DMRT1: variants seen among roughly 807,000 people sequenced by gnomAD.
DMRT1 encodes the protein doublesex and mab-3 related transcription factor 1.
DMRT1 carries 7 observed loss-of-function variants against 32.3 expected under a neutral mutation model. The ratio of observed to expected loss-of-function variants is 0.22; its 90% CI spans 0.12 to 0.41. The LOEUF (loss-of-function observed/expected upper bound fraction) is 0.41, where lower values mean the gene tolerates loss of function less well. Ranked by LOEUF, DMRT1 falls within the 10% of genes least tolerant of loss-of-function variation. DMRT1 has a pLI of 1.00. For missense variants in DMRT1, 625 were observed against 500.5 expected (o/e 1.25, Z -2.37); for synonymous variants, 278 against 206.1 (o/e 1.35, Z -2.99).
chr9:924,066 A>G (rs943689226), intron 4 of DMRT1, among the ~76,000 whole-genome samples: 10 of 127,112 alleles, frequency 7.9e-5, no homozygotes, highest in Admixed American at 1.8e-4. Context: ...AAGATGATCA[A>G]TCTCTTTTTT....
intron 3 of DMRT1, among the ~76,000 whole-genome samples, chr9:900,706 A>G (rs949427088): frequency 1.3e-5 from 2 of 148,308 alleles, no homozygotes; most frequent in African/African-American, 5.0e-5. Flanking sequence ...TTTTTTGGAG[A>G]CAGCGTCTTG....
chr9:928,537 C>A (rs543400522), intron 4 of DMRT1, among the ~76,000 whole-genome samples: 95 of 152,234 alleles, frequency 6.2e-4, no homozygotes, highest in African/African-American at 2.3e-3. Context: ...CCTGAGGCAG[C>A]GAAAGAAACA....
At chr9:868,283 G>T (rs143177579) in intron 2 of DMRT1, among the ~76,000 whole-genome samples, 1 of 152,092 alleles carries the variant, frequency 6.6e-6, no homozygotes, top group East Asian at 1.9e-4. Context: ...TGGCCTGAAA[G>T]AAAGTATTTT....
chr9:876,716 A>T (rs1816515871), intron 2 of DMRT1, among the ~76,000 whole-genome samples: 1 of 151,960 alleles, frequency 6.6e-6, no homozygotes, highest in African/African-American at 2.4e-5. Flanking sequence ...TGTTTTGTAG[A>T]GATGGGGTCT....
At chr9:849,587 C>A (rs928644660) in intron 2 of DMRT1, among the ~76,000 whole-genome samples, 1 of 152,164 alleles carries the variant, frequency 6.6e-6, no homozygotes, top group African/African-American at 2.4e-5. Flanking sequence ...GGGAAAGTTA[C>A]AAAAGGAAGC....
intron 4 of DMRT1, among the ~76,000 whole-genome samples, chr9:943,017 G>C (rs1819127180): frequency 1.3e-5 from 2 of 151,372 alleles, no homozygotes; most frequent in South Asian, 4.2e-4. Flanking sequence ...GCTGCTTAGT[G>C]AAGTATACAG....
Position 901,023 on chromosome 9 carries a change from A to T in DMRT1, c.822+6828A>T, listed in dbSNP as rs1817552806. Among the ~76,000 whole-genome samples, 3 of 148,700 alleles carry T rather than the reference A, an allele frequency of 2.0e-5. No homozygotes were observed. In the South Asian group the frequency reaches 6.3e-4, roughly 31 times the overall value. On this transcript the variant is annotated intron_variant, in intron 3 of 4. Transcript: ENST00000382276. ...CAGTTTTTTTTTTTTAATTATTATT[A>T]TTTTTTAATTGAGAAGGATCTTGCT...
At chr9:946,324 G>A (rs1171337222) in intron 4 of DMRT1, among the ~76,000 whole-genome samples, 1 of 152,106 alleles carries the variant, frequency 6.6e-6, no homozygotes, top group African/African-American at 2.4e-5. Context: ...TATCCAACAT[G>A]TACATTTTTG....
intron 4 of DMRT1, among the ~76,000 whole-genome samples, chr9:924,845 G>C (rs1818469842): frequency 6.6e-6 from 1 of 152,212 alleles, no homozygotes; most frequent in Non-Finnish European, 1.5e-5. Flanking sequence ...ACAGAAGCAA[G>C]CTGACATGCT....
chr9:872,515 C>T (rs567028983), intron 2 of DMRT1, among the ~76,000 whole-genome samples: 3 of 152,332 alleles, frequency 2.0e-5, no homozygotes, highest in African/African-American at 7.2e-5. Context: ...TAACCACTAG[C>T]CTACTTTCTA....
At chr9:939,050 A>G (rs766681819) in intron 4 of DMRT1, among the ~76,000 whole-genome samples, 3 of 152,234 alleles carry the variant, frequency 2.0e-5, no homozygotes, top group Admixed American at 1.3e-4. Flanking sequence ...GCCCCACTCC[A>G]TAGCCTTCTA....
chr9:887,293 C>A (rs935265984), intron 2 of DMRT1, among the ~76,000 whole-genome samples: 1 of 152,216 alleles, frequency 6.6e-6, no homozygotes, highest in African/African-American at 2.4e-5. Context: ...TTTACTACGG[C>A]CTCCTTGTGC....
At chr9:949,259 G>A (rs190501545) in intron 4 of DMRT1, among the ~76,000 whole-genome samples, 29 of 152,128 alleles carry the variant, frequency 1.9e-4, no homozygotes, top group Admixed American at 1.6e-3. Flanking sequence ...CTAGCTACTT[G>A]GGAGGCTGAG....
chr9:843,341 C>A (rs1838772599), intron 1 of DMRT1, among the ~76,000 whole-genome samples: 2 of 152,268 alleles, frequency 1.3e-5, no homozygotes, highest in African/African-American at 2.4e-5. Flanking sequence ...TTTGTCTTCG[C>A]CCTCCGTGGA....
Position 848,156 on chromosome 9 carries a change from G to A in DMRT1, c.538+1013G>A, listed in dbSNP as rs1838984242. Among the ~76,000 whole-genome samples the A allele has an allele frequency of 3.3e-5, 5 of 152,174 alleles. No individual in the cohort carries two copies. The South Asian group carries it at 1.0e-3, about 31-fold the overall frequency. ...AGCAGTGTGATATCACCTTGACTAA[G>A]CTTTCATGAATTACTCCATTTGCTG... On this transcript the variant is annotated intron_variant, in intron 2 of 4. Coordinates refer to ENST00000382276, the MANE Select transcript of DMRT1 (RefSeq NM_021951.3).
At position 905,587 on chromosome 9, in the gene DMRT1, T is replaced by G. The variant is rs1817745908; in HGVS notation, c.823-11176T>G. Among the ~76,000 whole-genome samples, 3 of 151,814 alleles carry G rather than the reference T, an allele frequency of 2.0e-5. No individual in the cohort carries two copies. The South Asian group carries it at 6.2e-4, about 32-fold the overall frequency. On this transcript the variant is annotated intron_variant, in intron 3 of 4. Transcript: ENST00000382276. ...TTAAAGTGTATAATGGAAAGGTTTT[T>G]TGTTTGAGTCATTTGTTTGCAAACC...
chr9:910,406 T>C lies in DMRT1; in HGVS notation c.823-6357T>C, dbSNP rs142192376. On this transcript the variant is annotated intron_variant, in intron 3 of 4. Coordinates refer to ENST00000382276, the MANE Select transcript of DMRT1 (RefSeq NM_021951.3). ...TGTTTAGTAAACAACTAGATGACAA[T>C]TTGGTCTTCACAAATCCCTTTTAGT... Among the ~76,000 whole-genome samples, 344 of 152,284 alleles carry C rather than the reference T, an allele frequency of 2.3e-3. 1 individual carries two copies. Among genetic ancestry groups the C allele is most frequent in the Admixed American group, 4.1e-3 (62 of 15,300 alleles).
At chr9:967,883 C>G (rs1819981556) in intron 4 of DMRT1, 102 bp from the exon 5 acceptor site, 1 of 1,146,006 alleles carries the variant, frequency 8.7e-7, no homozygotes, top group Non-Finnish European at 1.3e-6. Context: ...GCGTCACTTT[C>G]TTTGTTGTAA....
chr9:931,703 C>G (rs1401085295), intron 4 of DMRT1, among the ~76,000 whole-genome samples: 1 of 152,098 alleles, frequency 6.6e-6, no homozygotes, highest in African/African-American at 2.4e-5. Flanking sequence ...AATGTGAGTT[C>G]TGGTCTCTCT....
Sources: allele counts gnomAD v4.1 joint callset (sites outside exome capture counted in the v4.1 genomes callset), GRCh38; gene constraint gnomAD v4.1.1; transcripts MANE v1.5; gene names NCBI Gene and HGNC (gene_info 2026-07-23, HGNC 2026-07-21).